Variants in CDC5L observed in about 807,000 individuals in gnomAD.
CDC5L encodes cell division cycle 5 like.
A neutral mutation model predicts 104.1 loss-of-function variants in CDC5L; 18 were observed. That is an observed-to-expected ratio of 0.17 (90% confidence interval 0.12 to 0.26). The LOEUF (loss-of-function observed/expected upper bound fraction) is 0.26. Among genes scored for constraint, CDC5L ranks in the 10% least tolerant of loss-of-function variants. The pLI, the probability that CDC5L is intolerant of heterozygous loss-of-function variation, is 1.00. For missense variants in CDC5L, 673 were observed against 956.9 expected (o/e 0.70, Z 3.91); for synonymous variants, 331 against 322.7 (o/e 1.03, Z -0.28).
chr6:44,398,162 G>T (rs1356240322), intron 5 of CDC5L, among the ~76,000 whole-genome samples: 1 of 152,160 alleles, frequency 6.6e-6, no homozygotes, highest in Non-Finnish European at 1.5e-5. Flanking sequence ...TAGCTTATTT[G>T]GGGGTATTAG....
At chr6:44,404,265 C>T (rs1163716593) in intron 6 of CDC5L, among the ~76,000 whole-genome samples, 1 of 151,950 alleles carries the variant, frequency 6.6e-6, no homozygotes, top group African/African-American at 2.4e-5. Context: ...CCACCTCAGC[C>T]TCCTGAGTAG....
rs1459356958 is a variant in CDC5L, at chr6:44,450,221, T to C, written c.*3510T>C. The stretch of plus-strand genomic sequence containing the variant: ...AGCTCTCTAAAGTAAATAGGATAAC[T>C]GTATATCTTTTTCTGTGCATTAAGC... On this transcript the variant is annotated 3_prime_UTR_variant, in exon 16 of 16. Transcript: ENST00000371477. The C allele has an allele frequency of 6.6e-6, 1 of 152,228 alleles. No homozygotes were observed. The highest frequency in any genetic ancestry group is 2.4e-5 in the African/African-American group (1 of 41,458). 9.4% of individuals were successfully genotyped at this position (152,228 alleles called of 1,614,324 possible).
intron 5 of CDC5L, among the ~76,000 whole-genome samples, chr6:44,402,104 G>T (rs929987859): frequency 7.0e-6 from 1 of 143,106 alleles, no homozygotes; most frequent in African/African-American, 2.6e-5. Context: ...GAATAGTGCC[G>T]CAGTAAACAT....
intron 7 of CDC5L, among the ~76,000 whole-genome samples, chr6:44,407,326 T>C (rs1290896633): frequency 6.6e-6 from 1 of 151,390 alleles, no homozygotes; most frequent in Non-Finnish European, 1.5e-5. Flanking sequence ...GACCTTAGGG[T>C]AACCTTTTTT....
intron 5 of CDC5L, among the ~76,000 whole-genome samples, chr6:44,402,739 A>T (rs1791188379): frequency 6.6e-6 from 1 of 152,226 alleles, no homozygotes; most frequent in East Asian, 1.9e-4. Context: ...TCATTGATAG[A>T]TATGCATACA....
chr6:44,391,910 C>A (rs192927145), intron 2 of CDC5L, among the ~76,000 whole-genome samples: 2 of 152,132 alleles, frequency 1.3e-5, no homozygotes, highest in Non-Finnish European at 1.5e-5. Context: ...ATCGGTTGAA[C>A]CCAGGAGGTG....
chr6:44,399,781 G>A (rs1791036214), intron 5 of CDC5L, among the ~76,000 whole-genome samples: 1 of 152,134 alleles, frequency 6.6e-6, no homozygotes, highest in South Asian at 2.1e-4. Flanking sequence ...AGCCTCCTGA[G>A]TAGCTGGGAC....
chr6:44,412,602 G>T (rs1246361185), intron 8 of CDC5L, among the ~76,000 whole-genome samples: 4 of 148,272 alleles, frequency 2.7e-5, no homozygotes, highest in Admixed American at 1.3e-4. Flanking sequence ...AAAAAAAATA[G>T]TTTTTTTTTT....
intron 5 of CDC5L, 86 bp downstream of exon 5, chr6:44,396,526 T>G (rs1037854714): frequency 1.5e-5 from 9 of 597,414 alleles, no homozygotes; most frequent in Non-Finnish European, 2.2e-5. Flanking sequence ...GATATGTGGT[T>G]TTTTTTTTTT....
At chr6:44,425,167 G>A (rs937300393) in intron 11 of CDC5L, among the ~76,000 whole-genome samples, 1 of 152,164 alleles carries the variant, frequency 6.6e-6, no homozygotes, top group African/African-American at 2.4e-5. Flanking sequence ...GATATAAATA[G>A]GATCGGTATT....
At chr6:44,390,441 G>A (rs533225322) in intron 2 of CDC5L, 70 bp downstream of exon 2, 190 of 960,078 alleles carry the variant, frequency 2.0e-4, no homozygotes, top group South Asian at 3.0e-4. Context: ...TGTCAACTCT[G>A]TGAACCTTAT....
Position 44,408,404 on chromosome 6 carries a change from A to T in CDC5L, c.904-40A>T, listed in dbSNP as rs992067727. ...AGTGTGAGCCACTGTGCCCGGCCTC[A>T]GTTAAAATGTTGCTTACTATGATAA... is the stretch of plus-strand genomic sequence containing the variant. On this transcript the variant is annotated intron_variant, in intron 7 of 15. Transcript: ENST00000371477. 5 of 1,503,536 alleles carry T rather than the reference A, an allele frequency of 3.3e-6. No individual in the cohort carries two copies. The Admixed American group carries it at 8.6e-5, about 26-fold the overall frequency. 93.1% of individuals were successfully genotyped at this position (1,503,536 alleles called of 1,614,324 possible).
chr6:44,437,139 A>T (rs941123535), intron 14 of CDC5L, among the ~76,000 whole-genome samples: 3 of 152,156 alleles, frequency 2.0e-5, no homozygotes, highest in African/African-American at 7.2e-5. Context: ...ACTCTCTTGT[A>T]CCTCAGTGTT....
intron 9 of CDC5L, among the ~76,000 whole-genome samples, chr6:44,419,928 A>G (rs1338324743): frequency 6.6e-6 from 1 of 152,112 alleles, no homozygotes; most frequent in South Asian, 2.1e-4. Context: ...ATCCGCCACC[A>G]TGCCTGTCTA....
Position 44,408,634 on chromosome 6 carries a change from TA to T in CDC5L, c.1092+4del. 2 of 1,588,124 alleles carry T rather than the reference TA, an allele frequency of 1.3e-6. No individual in the cohort carries two copies. Among genetic ancestry groups the T allele is most frequent in the Non-Finnish European group, 1.7e-6 (2 of 1,161,722 alleles). On this transcript the variant is annotated splice_donor_region_variant and intron_variant, in intron 8 of 15. Coordinates refer to ENST00000371477, the MANE Select transcript of CDC5L (RefSeq NM_001253.4). ...GCTTCCCAGGACAGAATTCTGCAGGTAACGTGTCACGTAGTAGAATGAGGCT... is the reference window on the plus strand; with the variant it reads ...GCTTCCCAGGACAGAATTCTGCAGGTACGTGTCACGTAGTAGAATGAGGCT...
chr6:44,436,764 A>G (rs1300389263), intron 14 of CDC5L, among the ~76,000 whole-genome samples: 4 of 152,226 alleles, frequency 2.6e-5, no homozygotes, highest in African/African-American at 7.2e-5. Flanking sequence ...CCGTATTATG[A>G]AATAGAATTA....
chr6:44,410,687 C>T (rs1791584637), intron 8 of CDC5L, among the ~76,000 whole-genome samples: 1 of 151,984 alleles, frequency 6.6e-6, no homozygotes, highest in Admixed American at 6.5e-5. Flanking sequence ...CTCGTTTTTT[C>T]TTTTCTTGAA....
intron 2 of CDC5L, among the ~76,000 whole-genome samples, chr6:44,391,415 A>AT (rs1265532073): frequency 2.0e-5 from 3 of 151,736 alleles, no homozygotes; most frequent in Non-Finnish European, 4.4e-5. Flanking sequence ...TTCCCGGCTA[A>AT]TTTTTTGTAT....
Position 44,441,177 on chromosome 6 carries a change from A to T in CDC5L, c.2092-4478A>T, listed in dbSNP as rs113819637. 1.4e-3 allele frequency among the ~76,000 whole-genome samples: 220 copies of T among 152,290 alleles called. 2 individuals carry two copies. Among genetic ancestry groups the T allele is most frequent in the African/African-American group, 5.0e-3 (209 of 41,570 alleles). Reference sequence around the variant, plus strand: ...ACCCCAGTATCCTCTGGTAGCCACCATTGTACTCTCTACTTCTATGAGATT... The same window carrying T: ...ACCCCAGTATCCTCTGGTAGCCACCTTTGTACTCTCTACTTCTATGAGATT... On this transcript the variant is annotated intron_variant, in intron 14 of 15. Transcript: ENST00000371477.
Sources: gnomAD v4.1 joint callset for allele counts (sites outside exome capture counted in the v4.1 genomes callset) on GRCh38, gnomAD v4.1.1 for gene constraint, MANE v1.5 for transcripts, NCBI Gene and HGNC (gene_info 2026-07-23, HGNC 2026-07-21) for gene names.